The following MYLK variants were observed in gnomAD, a reference collection of about 807,000 sequenced individuals.
MYLK encodes myosin light chain kinase, also known as myosin light chain kinase, smooth muscle.
In MYLK, 106 loss-of-function variants were observed where a neutral mutation model predicts 203.4. The observed-to-expected ratio is 0.52, with a 90% CI of 0.45 to 0.61. MYLK has a LOEUF of 0.61. Ranked by LOEUF, MYLK falls within the 20% of genes least tolerant of loss-of-function variation. The pLI is 0.00. For synonymous variants in MYLK, 867 were observed against 959.5 expected, an observed-to-expected ratio of 0.90 and a Z score of 1.78; for missense variants, 2,072 against 2,442.3, an observed-to-expected ratio of 0.85 and a Z score of 3.20.
rs16834524 is a variant in MYLK at position 123,674,744 on chromosome 3, C to T, written c.3652+7480G>A. Among the ~76,000 whole-genome samples the T allele has an allele frequency of 0.027, 4,084 of 152,338 alleles. 368 individuals are homozygous for T. In the East Asian group the frequency reaches 0.34, roughly 13 times the overall value. On this transcript the variant is annotated intron_variant, in intron 20 of 33. Coordinates refer to ENST00000360304, the MANE Select transcript of MYLK (RefSeq NM_053025.4). ...TTCTGCAACACCAGGCTCTTGCCTT[C>T]GCTCCTTTGCACATGCTGGGCCCTC...
intron 4 of MYLK, among the ~76,000 whole-genome samples, chr3:123,783,710 T>C (rs1170597807): frequency 2.0e-5 from 3 of 152,276 alleles, no homozygotes; most frequent in African/African-American, 7.2e-5. Flanking sequence ...GCTAAAGGTT[T>C]CTTTCCTTCT....
rs759813484 is a variant in MYLK at position 123,752,382 on chromosome 3, C to T, written c.322G>A (p.Ala108Thr). Reference protein sequence around the residue: ...EEDRGKYTCEATNGSGARQVT... With the variant: ...EEDRGKYTCETTNGSGARQVT... ...TGGCGAGCACCACTGCCATTGGTGGCTTCACAGGTATACTTTCCCCTGTCC... is the reference window on the plus strand; with the variant it reads ...TGGCGAGCACCACTGCCATTGGTGGTTTCACAGGTATACTTTCCCCTGTCC... The change falls in exon 5 of 34, where the codon GCC (alanine) becomes ACC (threonine). Residue 108 changes from alanine (A) to threonine (T), a missense_variant. By Grantham distance (58) the Ala-to-Thr change is moderately conservative. Transcript: ENST00000360304. 1.2e-6 allele frequency: 2 copies of T among 1,614,182 alleles called. No individual in the cohort carries two copies. The highest frequency in any genetic ancestry group is 3.3e-5 in the Admixed American group (2 of 60,028).
At chr3:123,770,212 T>C (rs1045002429) in intron 4 of MYLK, among the ~76,000 whole-genome samples, 4 of 149,892 alleles carry the variant, frequency 2.7e-5, no homozygotes, top group African/African-American at 9.8e-5. Context: ...TAATCCCAGA[T>C]ACTTGGGAGG....
chr3:123,631,558 A>G (rs2058425272), intron 29 of MYLK, among the ~76,000 whole-genome samples: 1 of 152,226 alleles, frequency 6.6e-6, no homozygotes, highest in African/African-American at 2.4e-5. Flanking sequence ...GTTTGACAGA[A>G]CAAACCCCAC....
intron 2 of MYLK, among the ~76,000 whole-genome samples, chr3:123,868,437 C>T (rs1439782427): frequency 2.6e-5 from 4 of 152,024 alleles, no homozygotes; most frequent in Non-Finnish European, 5.9e-5. Context: ...CGTAATAATA[C>T]CCAACATTTT....
At chr3:123,824,455 G>C (rs751680387) in intron 3 of MYLK, among the ~76,000 whole-genome samples, 1 of 152,108 alleles carries the variant, frequency 6.6e-6, no homozygotes, top group African/African-American at 2.4e-5. Flanking sequence ...TGAAAATTAC[G>C]TGAGAGCAGG....
intron 2 of MYLK, among the ~76,000 whole-genome samples, chr3:123,839,081 G>A (rs139110304): frequency 2.6e-3 from 388 of 152,138 alleles, no homozygotes; most frequent in Non-Finnish European, 4.0e-3. Context: ...GCAACAGAGC[G>A]AGACTCCACC....
At chr3:123,647,766 G>C (rs1306941574) in intron 26 of MYLK, among the ~76,000 whole-genome samples, 1 of 151,498 alleles carries the variant, frequency 6.6e-6, no homozygotes, top group Non-Finnish European at 1.5e-5. Flanking sequence ...TGCCCAGGCT[G>C]GTCTTGAACT....
chr3:123,793,340 C>T (rs964402937), intron 4 of MYLK, among the ~76,000 whole-genome samples: 1 of 152,158 alleles, frequency 6.6e-6, no homozygotes, highest in African/African-American at 2.4e-5. Flanking sequence ...GATTTGAGGA[C>T]ATATATAAAC....
intron 2 of MYLK, among the ~76,000 whole-genome samples, chr3:123,855,438 A>C (rs895105376): frequency 1.3e-5 from 2 of 152,040 alleles, no homozygotes; most frequent in Admixed American, 6.6e-5. Flanking sequence ...ATGTTTTTAT[A>C]TATACCTGAT....
chr3:123,728,609 CAAT>C (rs1270002746), intron 11 of MYLK, among the ~76,000 whole-genome samples: 4 of 151,458 alleles, frequency 2.6e-5, no homozygotes, highest in Admixed American at 1.3e-4. Flanking sequence ...ACAACAACAA[CAAT>C]AAAACATAGC....
chr3:123,696,465 C>G (rs576932134), intron 18 of MYLK, among the ~76,000 whole-genome samples: 3 of 152,064 alleles, frequency 2.0e-5, no homozygotes, highest in Non-Finnish European at 4.4e-5. Context: ...GGGAGGCCAG[C>G]GGAGCCATTC....
At chr3:123,660,053 C>A (rs2059514820) in intron 23 of MYLK, among the ~76,000 whole-genome samples, 1 of 152,220 alleles carries the variant, frequency 6.6e-6, no homozygotes, top group African/African-American at 2.4e-5. Flanking sequence ...GATGTCCCTT[C>A]CCTGGGACTT....
intron 4 of MYLK, among the ~76,000 whole-genome samples, chr3:123,753,229 T>C (rs1279869683): frequency 6.6e-6 from 1 of 152,204 alleles, no homozygotes; most frequent in Non-Finnish European, 1.5e-5. Flanking sequence ...TAATTAAAAA[T>C]ATGGATTAGA....
chr3:123,689,556 C>T (rs545962783), intron 19 of MYLK: 2 of 152,368 alleles, frequency 1.3e-5, no homozygotes, highest in South Asian at 2.1e-4. Context: ...CAGATCTACA[C>T]CTACTGTCTG....
intron 11 of MYLK, among the ~76,000 whole-genome samples, chr3:123,726,457 T>C (rs1444767029): frequency 6.6e-6 from 1 of 152,212 alleles, no homozygotes. Flanking sequence ...CTAGTGTCTC[T>C]TATCTTCTTT....
intron 11 of MYLK, among the ~76,000 whole-genome samples, chr3:123,731,586 A>C (rs573544236): frequency 6.6e-6 from 1 of 152,306 alleles, no homozygotes; most frequent in Admixed American, 6.5e-5. Flanking sequence ...AAAATTTTCA[A>C]ACACACACAA....
chr3:123,623,163 C>G (rs896744932), intron 31 of MYLK: 5 of 152,320 alleles, frequency 3.3e-5, no homozygotes, highest in Non-Finnish European at 5.9e-5. Flanking sequence ...ACCAGTAGCC[C>G]CAAGACTACA....
At chr3:123,652,696 C>A (rs1312130008) in intron 24 of MYLK, among the ~76,000 whole-genome samples, 1 of 152,202 alleles carries the variant, frequency 6.6e-6, no homozygotes, top group African/African-American at 2.4e-5. Flanking sequence ...AACAATTATA[C>A]AGACTAGAAC....
Sources: allele counts gnomAD v4.1 joint callset (sites outside exome capture counted in the v4.1 genomes callset), GRCh38; gene constraint gnomAD v4.1.1; transcripts MANE v1.5; gene names NCBI Gene and HGNC (gene_info 2026-07-23, HGNC 2026-07-21).